Variants in SV2B observed in about 807,000 individuals in gnomAD.
The protein encoded by SV2B is solute carrier family 22 member B2.
In SV2B, 41 loss-of-function variants were observed where a neutral mutation model predicts 73.9. The observed-to-expected ratio is 0.56, with a 90% CI of 0.43 to 0.72. The LOEUF is 0.72. Among genes scored for constraint, SV2B ranks in the 30% least tolerant of loss-of-function variants. SV2B has a pLI of 0.00. For synonymous variants in SV2B, 314 were observed against 314.2 expected (o/e 1.00, Z 0.01); for missense variants, 764 against 857.8 (o/e 0.89, Z 1.37).
intron 1 of SV2B, among the ~76,000 whole-genome samples, chr15:91,185,831 T>C (rs1328161788): frequency 6.6e-6 from 1 of 152,200 alleles, no homozygotes; most frequent in African/African-American, 2.4e-5. Flanking sequence ...AGTAACTTGC[T>C]CAAGGTCATG....
At chr15:91,154,258 T>A (rs1054021253) in intron 1 of SV2B, among the ~76,000 whole-genome samples, 40 of 151,858 alleles carry the variant, frequency 2.6e-4, no homozygotes, top group African/African-American at 9.4e-4. Flanking sequence ...ACTGGTCTCA[T>A]CTCTGGAAAG....
chr15:91,134,397 C>T (rs978253140), intron 1 of SV2B, among the ~76,000 whole-genome samples: 1 of 152,190 alleles, frequency 6.6e-6, no homozygotes, highest in Non-Finnish European at 1.5e-5. Flanking sequence ...CCATTCAAGA[C>T]CGCTGGGATT....
At chr15:91,216,127 G>C (rs574629986) in intron 1 of SV2B, among the ~76,000 whole-genome samples, 1 of 152,128 alleles carries the variant, frequency 6.6e-6, no homozygotes, top group Non-Finnish European at 1.5e-5. Context: ...TAAGTGGGGC[G>C]AGTGCAGCAA....
Position 91,272,969 on chromosome 15 carries a change from A to G in SV2B, c.1373+4364A>G, listed in dbSNP as rs2048366402. On this transcript the variant is annotated intron_variant, in intron 9 of 12. Coordinates refer to ENST00000394232, the MANE Select transcript of SV2B (RefSeq NM_001323032.3). ...TGTGTCAGCCTCCTGAGTAGCTGGG[A>G]TTACAGGCGCGTGCCACCATGCCCG... 1.3e-5 allele frequency among the ~76,000 whole-genome samples: 2 copies of G among 150,550 alleles called. 1 individual carries two copies. The highest frequency in any genetic ancestry group is 1.3e-4 in the Admixed American group (2 of 14,948).
intron 6 of SV2B, 128 bp downstream of exon 6, chr15:91,260,537 T>C (rs1238868346): frequency 3.3e-6 from 2 of 611,600 alleles, no homozygotes; most frequent in Non-Finnish European, 5.4e-6. Context: ...ATATTGCTGT[T>C]ACTTTATAAT....
At position 91,229,696 on chromosome 15, in the gene SV2B, C is replaced by T. The variant is rs148921849; in HGVS notation, c.451+2982C>T. Among the ~76,000 whole-genome samples the T allele has an allele frequency of 6.6e-6, 1 of 152,302 alleles. No homozygotes were observed. Among genetic ancestry groups the T allele is most frequent in the African/African-American group, 2.4e-5 (1 of 41,554 alleles). ...TTTAACATGACTAAAACAGTACCTG[C>T]CCCTAATCAGTGCTCAAGATATCTT... On this transcript the variant is annotated intron_variant, in intron 2 of 12. Transcript: ENST00000394232. This position sits in a 1 kb window ranked among gnomAD's most constrained non-coding sequence, Gnocchi z 4.3.
In SV2B at chr15:91,251,976, C is replaced by G. The variant is rs1238460798; in HGVS notation, c.609C>G (p.Phe203Leu). The G allele has an allele frequency of 1.9e-6, 3 of 1,613,974 alleles. No individual in the cohort carries two copies. The highest frequency in any genetic ancestry group is 2.5e-6 in the Non-Finnish European group (3 of 1,180,002). Reference sequence around the variant, plus strand: ...TGCAGGGATATGGAGCCTTCCTCTTCTGCCGACTCATCTCAGGCATCGGGT... The same window carrying G: ...TGCAGGGATATGGAGCCTTCCTCTTGTGCCGACTCATCTCAGGCATCGGGT... ...SFVQGYGAFL[F>L]CRLISGIGIG... Residue 203 changes from phenylalanine to leucine, a missense_variant, in exon 3 of 13, where the codon TTC becomes TTG. Transcript: ENST00000394232.
At position 91,225,934 on chromosome 15, in the gene SV2B, T is replaced by G. The variant is rs2046360764; in HGVS notation, c.-330T>G. ...ACGCAGTCTGCCAAGTCCTGCTCGC[T>G]CCCTGTCAAGAAAAACAGCTGGATC... is the stretch of plus-strand genomic sequence containing the variant. On this transcript the variant is annotated 5_prime_UTR_variant, in exon 2 of 13. Transcript: ENST00000394232. 2 of 343,942 alleles carry G rather than the reference T, an allele frequency of 5.8e-6. No homozygotes were observed. Among genetic ancestry groups the G allele is most frequent in the South Asian group, 6.1e-5 (2 of 33,042 alleles). The allele number at this position is 343,942 out of a possible 1,614,324, so 21.3% of individuals were successfully genotyped here. A position where few individuals can be genotyped will look rare whatever the true frequency, so the allele number is the denominator to read the frequency against.
Position 91,141,750 on chromosome 15 carries a change from T to TG in SV2B, c.-392+41387_-392+41388insG, listed in dbSNP as rs1312408313. ...AATAGTTTGGGTTTTGTTTTGTTTT[T>TG]TTTTTTGGACAGAGGTCACATTTTG... On this transcript the variant is annotated intron_variant, in intron 1 of 12. Coordinates refer to ENST00000394232, the MANE Select transcript of SV2B (RefSeq NM_001323032.3). The surrounding 1 kb of genome is among the most constrained non-coding windows in gnomAD (Gnocchi z 4.6). 6.6e-6 allele frequency among the ~76,000 whole-genome samples: 1 copy of TG among 151,980 alleles called. No individual in the cohort carries two copies. The highest frequency in any genetic ancestry group is 1.5e-5 in the Non-Finnish European group (1 of 67,970).
intron 1 of SV2B, among the ~76,000 whole-genome samples, chr15:91,200,866 G>A (rs561941949): frequency 2.6e-5 from 4 of 152,300 alleles, no homozygotes; most frequent in African/African-American, 9.6e-5. Flanking sequence ...AGCCATGATC[G>A]TGCCTCTGCA....
intron 1 of SV2B, among the ~76,000 whole-genome samples, chr15:91,221,444 G>A (rs1250222122): frequency 1.3e-5 from 2 of 152,072 alleles, no homozygotes; most frequent in Non-Finnish European, 2.9e-5. Context: ...TGGTGGATCA[G>A]CCTGAAAAAA....
chr15:91,226,668 T>G lies in SV2B; in HGVS notation c.405T>G (p.Ser135Arg), dbSNP rs142186906. 54 of 1,613,434 alleles carry G rather than the reference T, an allele frequency of 3.3e-5. No homozygotes were observed. The African/African-American group carries it at 4.5e-4, about 14-fold the overall frequency. The change falls in exon 2 of 13, where the codon AGT (serine) becomes AGG (arginine). Residue 135 changes from serine to arginine, a missense_variant. Transcript: ENST00000394232. Reference protein sequence around the residue: ...EVFVVSFALPSAEKDMCLSSS... With the variant: ...EVFVVSFALPRAEKDMCLSSS... ...TCGTGGTGAGTTTTGCCCTGCCCAG[T>G]GCAGAGAAGGACATGTGTCTGTCCA...
In SV2B at chr15:91,139,273, G is replaced by T. The variant is rs1435368636; in HGVS notation, c.-392+38910G>T. ...GAGTTGATAATTGTTCGAGTTAGCT[G>T]GTGGGTACATGGTAGTTCATTAAAT... On this transcript the variant is annotated intron_variant, in intron 1 of 12. Coordinates refer to ENST00000394232, the MANE Select transcript of SV2B (RefSeq NM_001323032.3). The surrounding 1 kb of genome is among the most constrained non-coding windows in gnomAD (Gnocchi z 5.2). Among the ~76,000 whole-genome samples, 1 of 152,026 alleles carries T rather than the reference G, an allele frequency of 6.6e-6. No individual in the cohort carries two copies. The highest frequency in any genetic ancestry group is 1.5e-5 in the Non-Finnish European group (1 of 68,016).
chr15:91,283,847 C>A lies in SV2B; in HGVS notation c.1508-174C>A, dbSNP rs16945508. Among the ~76,000 whole-genome samples, 25,573 of 152,068 alleles carry A rather than the reference C, an allele frequency of 0.17. 3,326 individuals are homozygous for A. Among genetic ancestry groups the A allele is most frequent in the African/African-American group, 0.36 (14,993 of 41,434 alleles). On this transcript the variant is annotated intron_variant, in intron 10 of 12. Coordinates refer to ENST00000394232, the MANE Select transcript of SV2B (RefSeq NM_001323032.3). This position sits in a 1 kb window ranked among gnomAD's most constrained non-coding sequence, Gnocchi z 4.3. ...TCATTACATTTTTGGAAGTTTCTCT[C>A]CTCATCCATACCTTGATGACATGGC...
chr15:91,175,126 A>C (rs1217270953), intron 1 of SV2B, among the ~76,000 whole-genome samples: 1 of 152,246 alleles, frequency 6.6e-6, no homozygotes, highest in Non-Finnish European at 1.5e-5. Flanking sequence ...AGTGTTTGTC[A>C]GAGCAAATGT....
At chr15:91,170,297 G>GT (rs898506096) in intron 1 of SV2B, among the ~76,000 whole-genome samples, 17 of 149,556 alleles carry the variant, frequency 1.1e-4, no homozygotes, top group African/African-American at 2.9e-4. Context: ...GATTTTTTTT[G>GT]TTTTTTTTGA....
chr15:91,248,948 G>C (rs8041730), intron 2 of SV2B, among the ~76,000 whole-genome samples: 59,730 of 151,836 alleles, frequency 0.39, 15,165 homozygotes, highest in African/African-American at 0.72. Context: ...AATCTCTGGA[G>C]CACTCCTCTA....
Position 91,300,427 on chromosome 15 carries a change from A to C in SV2B, c.*7875A>C, listed in dbSNP as rs2049405120. On this transcript the variant is annotated 3_prime_UTR_variant, in exon 13 of 13. Coordinates refer to ENST00000394232, the MANE Select transcript of SV2B (RefSeq NM_001323032.3). ...GCAGGGAAGGGCTCTTAAAAGTTTAATGTTTCAGCTTTCCATAGTCATTCA... is the reference window on the plus strand; with the variant it reads ...GCAGGGAAGGGCTCTTAAAAGTTTACTGTTTCAGCTTTCCATAGTCATTCA... The C allele has an allele frequency of 6.6e-6, 1 of 152,228 alleles. No individual in the cohort carries two copies. Among genetic ancestry groups the C allele is most frequent in the Admixed American group, 6.5e-5 (1 of 15,288 alleles). 9.4% of individuals were successfully genotyped at this position (152,228 alleles called of 1,614,324 possible). A position where few individuals can be genotyped will look rare whatever the true frequency, so the allele number is the denominator to read the frequency against.
Position 91,139,101 on chromosome 15 carries a change from A to G in SV2B, c.-392+38738A>G, listed in dbSNP as rs1359725308. On this transcript the variant is annotated intron_variant, in intron 1 of 12. Transcript: ENST00000394232. This position sits in a 1 kb window ranked among gnomAD's most constrained non-coding sequence, Gnocchi z 5.2. Reference sequence around the variant, plus strand: ...AATGGCATACTGATTATTTCAAAATAGAGTCCTATTCTTTAAAAATTGTTA... The same window carrying G: ...AATGGCATACTGATTATTTCAAAATGGAGTCCTATTCTTTAAAAATTGTTA... Among the ~76,000 whole-genome samples, 1 of 152,244 alleles carries G rather than the reference A, an allele frequency of 6.6e-6. No individual in the cohort carries two copies. The highest frequency in any genetic ancestry group is 1.5e-5 in the Non-Finnish European group (1 of 68,032).
Sources: allele counts gnomAD v4.1 joint callset (sites outside exome capture counted in the v4.1 genomes callset), GRCh38; gene constraint gnomAD v4.1.1; non-coding constraint Gnocchi (gnomAD v3.1); transcripts MANE v1.5; gene names NCBI Gene and HGNC (gene_info 2026-07-23, HGNC 2026-07-21).